Variants in NEK10 observed in about 807,000 individuals in gnomAD.
NEK10 encodes the protein serine/threonine-protein kinase Nek10.
Under a neutral mutation model 159.8 loss-of-function variants are expected in NEK10, and 122 were observed. That is an observed-to-expected ratio of 0.76 (90% confidence interval 0.66 to 0.89). NEK10 has a LOEUF of 0.89. Ranked by LOEUF, NEK10 falls within the 40% of genes least tolerant of loss-of-function variation. NEK10 has a pLI of 0.00. For missense variants in NEK10, 1,342 were observed against 1,323.1 expected (o/e 1.01, Z -0.22); for synonymous variants, 466 against 457.1 (o/e 1.02, Z -0.25).
At chr3:27,114,427 A>C (rs948717419) in intron 35 of NEK10, among the ~76,000 whole-genome samples, 6 of 152,192 alleles carry the variant, frequency 3.9e-5, no homozygotes, top group Non-Finnish European at 7.3e-5. Context: ...CTCTGCAGTT[A>C]CAAATCACAA....
chr3:27,130,500 A>G (rs996787280), intron 32 of NEK10, among the ~76,000 whole-genome samples: 2 of 152,150 alleles, frequency 1.3e-5, no homozygotes, highest in African/African-American at 4.8e-5. Context: ...TAAGTAATAA[A>G]CGAGAAAATA....
At chr3:27,355,274 A>T (rs2048253772) in intron 1 of NEK10, among the ~76,000 whole-genome samples, 1 of 151,986 alleles carries the variant, frequency 6.6e-6, no homozygotes, top group Non-Finnish European at 1.5e-5. Flanking sequence ...TCTCCCAAGG[A>T]TCTCTTGCAG....
intron 29 of NEK10, 104 bp downstream of exon 29, chr3:27,171,715 C>T (rs185534492): frequency 5.2e-5 from 61 of 1,169,900 alleles, no homozygotes; most frequent in Middle Eastern, 2.3e-4. Flanking sequence ...CTCCTATTTC[C>T]GCAGGCACAT....
chr3:27,128,524 G>T (rs1051827226), intron 32 of NEK10, among the ~76,000 whole-genome samples: 1 of 151,988 alleles, frequency 6.6e-6, no homozygotes, highest in African/African-American at 2.4e-5. Context: ...GTTAACATGC[G>T]ATAGAATTCA....
At chr3:27,141,292 C>T (rs1358598499) in intron 31 of NEK10, among the ~76,000 whole-genome samples, 190 bp downstream of exon 31, 1 of 152,096 alleles carries the variant, frequency 6.6e-6, no homozygotes, top group African/African-American at 2.4e-5. Context: ...TAGGGAAAAT[C>T]CCATATATTT....
intron 32 of NEK10, among the ~76,000 whole-genome samples, chr3:27,131,422 G>A (rs762943944): frequency 6.6e-6 from 1 of 152,138 alleles, no homozygotes; most frequent in Admixed American, 6.5e-5. Context: ...AGTATCTAAG[G>A]TCTAGAAGAT....
intron 13 of NEK10, among the ~76,000 whole-genome samples, chr3:27,298,355 C>T (rs2043532050): frequency 6.6e-6 from 1 of 152,160 alleles, no homozygotes; most frequent in Admixed American, 6.5e-5. Context: ...TCTTTGCCTG[C>T]TGCCATCCAC....
intron 32 of NEK10, among the ~76,000 whole-genome samples, chr3:27,129,608 A>G (rs1942380100): frequency 6.6e-6 from 1 of 152,162 alleles, no homozygotes; most frequent in South Asian, 2.1e-4. Flanking sequence ...ATATTTTATC[A>G]GTATACCAAT....
intron 26 of NEK10, among the ~76,000 whole-genome samples, chr3:27,184,390 A>C (rs1187241586): frequency 1.3e-5 from 2 of 152,210 alleles, no homozygotes; most frequent in Non-Finnish European, 1.5e-5. Context: ...GACAGAAATC[A>C]CCAGTCTACG....
rs576980401 is a variant in NEK10 at position 27,110,565 on chromosome 3, T to C, written c.*707A>G. On this transcript the variant is annotated 3_prime_UTR_variant, in exon 36 of 36. Transcript: ENST00000691995. ...CCTTCCGCCCTCATATATAAACATATACACACACTGTACAGCAATATATTC... is the reference window on the plus strand; with the variant it reads ...CCTTCCGCCCTCATATATAAACATACACACACACTGTACAGCAATATATTC... 22 of 152,260 alleles carry C rather than the reference T, an allele frequency of 1.4e-4. No individual in the cohort carries two copies. Among genetic ancestry groups the C allele is most frequent in the South Asian group, 4.1e-4 (2 of 4,820 alleles). 9.4% of individuals were successfully genotyped at this position (152,260 alleles called of 1,614,324 possible).
intron 23 of NEK10, among the ~76,000 whole-genome samples, chr3:27,204,893 C>T (rs1226703577): frequency 7.2e-6 from 1 of 139,432 alleles, no homozygotes; most frequent in African/African-American, 2.6e-5. Context: ...ACACTGACTT[C>T]CACAATGGTT....
intron 22 of NEK10, among the ~76,000 whole-genome samples, chr3:27,271,501 G>A (rs2041357702): frequency 6.6e-6 from 1 of 152,092 alleles, no homozygotes; most frequent in African/African-American, 2.4e-5. Flanking sequence ...CTATGTAAGA[G>A]TCATCTTATT....
chr3:27,274,693 G>T (rs910260614), intron 22 of NEK10, among the ~76,000 whole-genome samples: 2 of 151,966 alleles, frequency 1.3e-5, no homozygotes, highest in Non-Finnish European at 2.9e-5. Flanking sequence ...TGTGTGGCAT[G>T]ATACTAGTTC....
chr3:27,124,567 G>C (rs1000095241), intron 32 of NEK10, among the ~76,000 whole-genome samples: 1 of 152,170 alleles, frequency 6.6e-6, no homozygotes, highest in African/African-American at 2.4e-5. Context: ...GGCAGAACCA[G>C]GGCCAGAAGC....
chr3:27,176,044 C>A (rs1473807769), intron 26 of NEK10, among the ~76,000 whole-genome samples: 1 of 152,080 alleles, frequency 6.6e-6, no homozygotes, highest in African/African-American at 2.4e-5. Context: ...ATAGAATTTG[C>A]AGATGAAGAA....
chr3:27,156,844 G>A (rs1945485643), intron 30 of NEK10, among the ~76,000 whole-genome samples: 1 of 147,962 alleles, frequency 6.8e-6, no homozygotes, highest in South Asian at 2.2e-4. Context: ...ACTTGCCCAT[G>A]CATGTTTGTA....
intron 22 of NEK10, among the ~76,000 whole-genome samples, chr3:27,276,191 T>C (rs1237714257): frequency 1.3e-5 from 2 of 152,018 alleles, no homozygotes; most frequent in African/African-American, 4.8e-5. Flanking sequence ...TTAAGTGCTA[T>C]CAGAGAAAGA....
intron 23 of NEK10, among the ~76,000 whole-genome samples, chr3:27,235,298 C>A (rs1033650284): frequency 5.3e-5 from 8 of 152,074 alleles, no homozygotes; most frequent in Non-Finnish European, 8.8e-5. Context: ...TTCTGTACAG[C>A]AAAAGAAACT....
intron 23 of NEK10, among the ~76,000 whole-genome samples, chr3:27,208,484 G>A (rs1385424333): frequency 6.6e-6 from 1 of 152,164 alleles, no homozygotes; most frequent in Non-Finnish European, 1.5e-5. Flanking sequence ...GAGGAGTAAA[G>A]GGATTGAGCC....
Sources: allele counts gnomAD v4.1 joint callset (sites outside exome capture counted in the v4.1 genomes callset), GRCh38; gene constraint gnomAD v4.1.1; transcripts MANE v1.5; gene names NCBI Gene and HGNC (gene_info 2026-07-23, HGNC 2026-07-21).